Variants in SRSF3 observed in about 807,000 individuals in gnomAD.
The protein encoded by SRSF3 is serine/arginine-rich splicing factor 3.
For missense variants in SRSF3, 58 were observed against 217.1 expected (o/e 0.27, Z 4.61); for synonymous variants, 87 against 73.6 (o/e 1.18, Z -0.93).
chr6:36,598,649 T>TGGGATTACAGGCGTGTACCACC (rs1031423731), intron 2 of SRSF3, 200 bp from the exon 3 acceptor site: 27 of 558,818 alleles, frequency 4.8e-5, no homozygotes, highest in Non-Finnish European at 8.0e-5. Flanking sequence ...CATAAAGTGT[T>TGGGATTACAGGCGTGTACCACC]GGGATTACAG....
intron 2 of SRSF3, 102 bp from the exon 3 acceptor site, chr6:36,598,747 T>G: frequency 7.5e-7 from 1 of 1,324,506 alleles, no homozygotes; most frequent in Non-Finnish European, 1.0e-6. Flanking sequence ...CACAGACACT[T>G]AGGTGTGTTC....
At chr6:36,599,869 G>T (rs1371136645) in intron 3 of SRSF3, 7 of 1,352,134 alleles carry the variant, frequency 5.2e-6, no homozygotes, top group African/African-American at 1.5e-5. Context: ...GCATTAGCCA[G>T]TCAACTAGCC....
Position 36,603,550 on chromosome 6 carries a change from A to C in SRSF3, c.*1561A>C, listed in dbSNP as rs1030210119. ...AGAGTTCAAGCTAAATGGATACATT[A>C]AGATACAGTTCCTAAACAAATTATT... On this transcript the variant is annotated 3_prime_UTR_variant, in exon 6 of 6. Transcript: ENST00000373715. The C allele has an allele frequency of 4.4e-6, 1 of 227,518 alleles. No homozygotes were observed. Among genetic ancestry groups the C allele is most frequent in the Non-Finnish European group, 8.7e-6 (1 of 114,300 alleles). The allele number at this position is 227,518 out of a possible 1,614,324, so 14.1% of individuals were successfully genotyped here.
chr6:36,596,446 CTT>C (rs1157319812), intron 1 of SRSF3, among the ~76,000 whole-genome samples: 7 of 151,668 alleles, frequency 4.6e-5, no homozygotes, highest in Non-Finnish European at 7.4e-5. Flanking sequence ...GGTTAAGTCT[CTT>C]AACTCACGGC....
chr6:36,600,392 A>G (rs1419651870), intron 3 of SRSF3: 4 of 594,974 alleles, frequency 6.7e-6, no homozygotes, highest in Non-Finnish European at 8.5e-6. Flanking sequence ...GGTAACGTAC[A>G]TATATATTGC....
chr6:36,598,155 C>A (rs1038982917), intron 2 of SRSF3, among the ~76,000 whole-genome samples: 3 of 152,124 alleles, frequency 2.0e-5, no homozygotes, highest in Non-Finnish European at 4.4e-5. Flanking sequence ...GCAGGGACTT[C>A]AAGGGAAGAA....
chr6:36,594,995 C>G (rs1200775928), intron 1 of SRSF3, among the ~76,000 whole-genome samples: 2 of 152,182 alleles, frequency 1.3e-5, no homozygotes, highest in African/African-American at 4.8e-5. Context: ...TTCATCGCTT[C>G]CCATTAAAAT....
chr6:36,598,748 A>G, intron 2 of SRSF3, 101 bp from the exon 3 acceptor site: 4 of 1,322,802 alleles, frequency 3.0e-6, no homozygotes, highest in Non-Finnish European at 4.2e-6. Context: ...ACAGACACTT[A>G]GGTGTGTTCT....
chr6:36,597,167 C>T (rs1475052616), intron 2 of SRSF3, 199 bp downstream of exon 2: 1 of 577,948 alleles, frequency 1.7e-6, no homozygotes, highest in East Asian at 2.9e-5. Flanking sequence ...TGCAGTGGTA[C>T]AGTCTCCCGC....
intron 1 of SRSF3, among the ~76,000 whole-genome samples, chr6:36,595,541 C>A (rs983632348): frequency 2.0e-5 from 3 of 152,214 alleles, no homozygotes; most frequent in African/African-American, 7.2e-5. Context: ...CACTAATCTT[C>A]CTGTCTCTCT....
intron 3 of SRSF3, 144 bp downstream of exon 3, chr6:36,599,127 G>A (rs1778677872): frequency 1.9e-6 from 2 of 1,036,186 alleles, no homozygotes; most frequent in Non-Finnish European, 2.7e-6. Flanking sequence ...GTAATTTGGG[G>A]TATGTGAGTT....
chr6:36,603,095 A>G lies in SRSF3; in HGVS notation c.*1106A>G, dbSNP rs530251685. 3.0e-3 allele frequency: 673 copies of G among 220,764 alleles called. 4 individuals are homozygous for G. The highest frequency in any genetic ancestry group is 0.014 in the African/African-American group (625 of 44,552). The allele number at this position is 220,764 out of a possible 1,614,324, so 13.7% of individuals were successfully genotyped here. On this transcript the variant is annotated 3_prime_UTR_variant, in exon 6 of 6. Coordinates refer to ENST00000373715, the MANE Select transcript of SRSF3 (RefSeq NM_003017.5). Reference sequence around the variant, plus strand: ...TAACCCATTTTTTTTTTTTTTAGGCATAGAAGCCAGTTCAGGGTCCATAAT... The same window carrying G: ...TAACCCATTTTTTTTTTTTTTAGGCGTAGAAGCCAGTTCAGGGTCCATAAT...
intron 4 of SRSF3, 22 bp downstream of exon 4, chr6:36,601,212 C>A (rs1243775726): frequency 1.2e-6 from 2 of 1,612,658 alleles, no homozygotes; most frequent in South Asian, 2.2e-5. Flanking sequence ...CCTTTTTTGG[C>A]TACGTTCTTA....
chr6:36,599,805 A>G (rs760519548), intron 3 of SRSF3: 1 of 1,350,978 alleles, frequency 7.4e-7, no homozygotes. Context: ...ATTAATAAAA[A>G]TGAACCCCGT....
rs1463096040 is a variant in SRSF3, at chr6:36,603,531, C to T, written c.*1542C>T. 4.4e-6 allele frequency: 1 copy of T among 226,498 alleles called. No homozygotes were observed. Among genetic ancestry groups the T allele is most frequent in the Non-Finnish European group, 8.8e-6 (1 of 113,746 alleles). The allele number at this position is 226,498 out of a possible 1,614,324, so 14.0% of individuals were successfully genotyped here. Reference sequence around the variant, plus strand: ...AAGATAAGTCATTGCATTAAGAGTTCAAGCTAAATGGATACATTAAGATAC... The same window carrying T: ...AAGATAAGTCATTGCATTAAGAGTTTAAGCTAAATGGATACATTAAGATAC... On this transcript the variant is annotated 3_prime_UTR_variant, in exon 6 of 6. Transcript: ENST00000373715.
rs570327711 is a variant in SRSF3, at chr6:36,605,439, G to C, written c.*3450G>C. 4.6e-5 allele frequency: 7 copies of C among 151,282 alleles called. No homozygotes were observed. Among genetic ancestry groups the C allele is most frequent in the African/African-American group, 1.2e-4 (5 of 41,066 alleles). The allele number at this position is 151,282 out of a possible 1,614,324, so 9.4% of individuals were successfully genotyped here. A position where few individuals can be genotyped will look rare whatever the true frequency, so the allele number is the denominator to read the frequency against. ...TGGTGGGTGGAGGTTGCCATGAGCC[G>C]AGATGTAGCCACTTCACTCCAGCCT... is the stretch of plus-strand genomic sequence containing the variant. On this transcript the variant is annotated 3_prime_UTR_variant, in exon 6 of 6. Coordinates refer to ENST00000373715, the MANE Select transcript of SRSF3 (RefSeq NM_003017.5).
chr6:36,597,713 TC>T (rs1166424530), intron 2 of SRSF3, among the ~76,000 whole-genome samples: 1 of 152,028 alleles, frequency 6.6e-6, no homozygotes, highest in African/African-American at 2.4e-5. Flanking sequence ...AGTAAAGTTT[TC>T]CAGGGCCCAC....
intron 3 of SRSF3, 149 bp from the exon 4 acceptor site, chr6:36,601,001 CTT>C (rs775227806): frequency 8.1e-4 from 70 of 86,424 alleles, no homozygotes; most frequent in Middle Eastern, 4.8e-3. Flanking sequence ...TCTTTTTTTT[CTT>C]TTTTTTTTTT....
intron 1 of SRSF3, chr6:36,594,803 C>T (rs1196155270): frequency 6.6e-6 from 1 of 151,198 alleles, no homozygotes; most frequent in East Asian, 1.9e-4. Flanking sequence ...TTTGGCCCCT[C>T]ATTTAATTGG....
Sources: allele counts gnomAD v4.1 joint callset (sites outside exome capture counted in the v4.1 genomes callset), GRCh38; gene constraint gnomAD v4.1.1; transcripts MANE v1.5; gene names NCBI Gene and HGNC (gene_info 2026-07-23, HGNC 2026-07-21).